LRRN2: variants seen among roughly 807,000 people sequenced by gnomAD.
LRRN2 encodes leucine-rich repeat neuronal protein 2.
Under a neutral mutation model 35.7 loss-of-function variants are expected in LRRN2, and 10 were observed. That is an observed-to-expected ratio of 0.28 (90% confidence interval 0.17 to 0.47). LRRN2 has a LOEUF of 0.47. LRRN2 is among the 20% of genes least tolerant of loss of function. LRRN2 has a pLI of 0.99. For synonymous variants in LRRN2, 391 were observed against 409.6 expected, an observed-to-expected ratio of 0.95 and a Z score of 0.55; for missense variants, 731 against 940.3, an observed-to-expected ratio of 0.78 and a Z score of 2.91.
rs1667688725 is a variant in LRRN2 at position 204,631,258 on chromosome 1, ATATATATATATATATATATAT to A, written c.-226-11061_-226-11041del. ...AGAAGAGTGATACCTAGAGTGTTCTATATATATATATATATATATATATATATATATATATATATATATATG... is the reference window on the plus strand; with the variant it reads ...AGAAGAGTGATACCTAGAGTGTTCTAATATATATATATATATATATATATG... On this transcript the variant is annotated intron_variant, in intron 1 of 1. Transcript: ENST00000367177. 7.4e-4 allele frequency among the ~76,000 whole-genome samples: 29 copies of A among 39,004 alleles called. 2 individuals are homozygous for A. The highest frequency in any genetic ancestry group is 5.5e-3 in the East Asian group (7 of 1,264). 25.6% of individuals were successfully genotyped at this position (39,004 alleles called of 152,430 possible).
At position 204,660,568 on chromosome 1, in the gene LRRN2, C is replaced by T. The variant is rs1387659794; in HGVS notation, c.-227+24752G>A. On this transcript the variant is annotated intron_variant, in intron 1 of 1. Transcript: ENST00000367177. ...CCTTACACAGACACACACACACACA[C>T]ACACACACACACTCTCTCTCTCTCT... 2.2e-5 allele frequency among the ~76,000 whole-genome samples: 3 copies of T among 138,436 alleles called. No individual in the cohort carries two copies. The East Asian group carries it at 5.9e-4, about 27-fold the overall frequency. The allele number at this position is 138,436 out of a possible 152,430, so 90.8% of individuals were successfully genotyped here.
Position 204,620,153 on chromosome 1 carries a change from C to T in LRRN2, c.-161G>A. ...GTCACTTCTTGCCCTCCTCAATATG[C>T]CTTCTCTTCCTTGTCCTCTGGGGCT... On this transcript the variant is annotated 5_prime_UTR_variant, in exon 2 of 2. Transcript: ENST00000367177. The T allele has an allele frequency of 1.4e-6, 2 of 1,454,356 alleles. No homozygotes were observed. The highest frequency in any genetic ancestry group is 1.5e-5 in the South Asian group (1 of 67,528). The allele number at this position is 1,454,356 out of a possible 1,614,324, so 90.1% of individuals were successfully genotyped here.
At chr1:204,672,312 C>T (rs548051639) in intron 1 of LRRN2, among the ~76,000 whole-genome samples, 1 of 152,282 alleles carries the variant, frequency 6.6e-6, no homozygotes, top group Admixed American at 6.5e-5. Flanking sequence ...TCCCCCTCCC[C>T]ATTGCTTAAG....
chr1:204,634,844 T>C (rs1667793657), intron 1 of LRRN2, among the ~76,000 whole-genome samples: 1 of 152,228 alleles, frequency 6.6e-6, no homozygotes, highest in Non-Finnish European at 1.5e-5. Flanking sequence ...TTACTAACTG[T>C]GCAAGCTTGG....
chr1:204,673,401 C>A (rs184201469), intron 1 of LRRN2, among the ~76,000 whole-genome samples: 1 of 152,238 alleles, frequency 6.6e-6, no homozygotes, highest in East Asian at 1.9e-4. Flanking sequence ...ATTTTCACAA[C>A]CCTGTGAACT....
intron 1 of LRRN2, among the ~76,000 whole-genome samples, chr1:204,637,649 T>TAC (rs1558410129): frequency 6.0e-5 from 6 of 100,704 alleles, no homozygotes; most frequent in South Asian, 3.5e-4. Flanking sequence ...ACGTGACGTG[T>TAC]GTGTGTGTGT....
intron 1 of LRRN2, among the ~76,000 whole-genome samples, chr1:204,658,248 G>A (rs1292643225): frequency 1.3e-5 from 2 of 152,056 alleles, no homozygotes; most frequent in East Asian, 3.9e-4. Context: ...AAAGTGTTGG[G>A]ATTACAGGCA....
At chr1:204,631,786 C>T (rs1667711186) in intron 1 of LRRN2, among the ~76,000 whole-genome samples, 1 of 152,066 alleles carries the variant, frequency 6.6e-6, no homozygotes, top group Non-Finnish European at 1.5e-5. Context: ...AAGATTCAAA[C>T]ATATGAAGTG....
chr1:204,667,937 C>T (rs1476547297), intron 1 of LRRN2, among the ~76,000 whole-genome samples: 1 of 152,162 alleles, frequency 6.6e-6, no homozygotes, highest in Non-Finnish European at 1.5e-5. Flanking sequence ...GTCTCAAGAG[C>T]TCGCACGTTA....
At chr1:204,664,563 T>C (rs1668537216) in intron 1 of LRRN2, 1 of 152,220 alleles carries the variant, frequency 6.6e-6, no homozygotes, top group South Asian at 2.1e-4. Context: ...CTCAGGAAAC[T>C]CACTCCTTTG....
At chr1:204,652,274 C>CTT (rs1668252234) in intron 1 of LRRN2, among the ~76,000 whole-genome samples, 1 of 137,330 alleles carries the variant, frequency 7.3e-6, no homozygotes, top group Non-Finnish European at 1.6e-5. Context: ...CCCCCCCGCC[C>CTT]CCCCGCCGCC....
chr1:204,678,440 A>G (rs547524003), intron 1 of LRRN2, among the ~76,000 whole-genome samples: 2 of 152,276 alleles, frequency 1.3e-5, no homozygotes, highest in African/African-American at 4.8e-5. Flanking sequence ...ATGGATGGCC[A>G]ACGACCAGTG....
intron 1 of LRRN2, among the ~76,000 whole-genome samples, chr1:204,637,391 C>A (rs1402017916): frequency 1.3e-4 from 20 of 152,196 alleles, no homozygotes; most frequent in Admixed American, 1.3e-3. Flanking sequence ...TTGTACAGTG[C>A]ACCAGGGGAG....
At chr1:204,625,485 G>A (rs1160880610) in intron 1 of LRRN2, among the ~76,000 whole-genome samples, 1 of 148,714 alleles carries the variant, frequency 6.7e-6, no homozygotes, top group Non-Finnish European at 1.5e-5. Flanking sequence ...TATAACATAT[G>A]TACGGGAGAA....
rs1666399523 is a variant in LRRN2 at position 204,617,248 on chromosome 1, A to T, written c.*603T>A. On this transcript the variant is annotated 3_prime_UTR_variant, in exon 2 of 2. Coordinates refer to ENST00000367177, the MANE Select transcript of LRRN2 (RefSeq NM_201630.2). ...TTTTACAAAACAGGAGAAAAGAGTG[A>T]ATCGGGTTGGGGGAGGTGACACATT... 6.6e-6 allele frequency: 1 copy of T among 152,644 alleles called. No individual in the cohort carries two copies. The allele number at this position is 152,644 out of a possible 1,614,324, so 9.5% of individuals were successfully genotyped here. A position where few individuals can be genotyped will look rare whatever the true frequency, so the allele number is the denominator to read the frequency against.
intron 1 of LRRN2, chr1:204,628,737 G>A (rs1667582190): frequency 6.6e-6 from 1 of 152,126 alleles, no homozygotes; most frequent in Admixed American, 6.5e-5. Context: ...TCCAACCGGG[G>A]TCCTAGTTCT....
rs1026064304 is a variant in LRRN2, at chr1:204,617,625, G to T, written c.*226C>A. ...AAAGTCCCTCCTGTTCCTTGGAGAT[G>T]TTCCTCAGAATGGCAGCAGAGGTGA... On this transcript the variant is annotated 3_prime_UTR_variant, in exon 2 of 2. Coordinates refer to ENST00000367177, the MANE Select transcript of LRRN2 (RefSeq NM_201630.2). The T allele has an allele frequency of 5.3e-6, 3 of 564,748 alleles. No homozygotes were observed. The highest frequency in any genetic ancestry group is 9.5e-6 in the Non-Finnish European group (3 of 316,978). The allele number at this position is 564,748 out of a possible 1,614,324, so 35.0% of individuals were successfully genotyped here. A position where few individuals can be genotyped will look rare whatever the true frequency, so the allele number is the denominator to read the frequency against.
intron 1 of LRRN2, among the ~76,000 whole-genome samples, chr1:204,639,346 A>G (rs1369967135): frequency 6.6e-6 from 1 of 152,210 alleles, no homozygotes; most frequent in Non-Finnish European, 1.5e-5. Flanking sequence ...CTAAAATGGG[A>G]GTAATAGCCG....
intron 1 of LRRN2, among the ~76,000 whole-genome samples, chr1:204,637,797 G>A (rs1035370810): frequency 2.6e-5 from 4 of 152,076 alleles, no homozygotes; most frequent in Admixed American, 2.0e-4. Context: ...TCACCCTGTG[G>A]GGGAGTGCCA....
Sources: gnomAD v4.1 joint callset for allele counts (sites outside exome capture counted in the v4.1 genomes callset) on GRCh38, gnomAD v4.1.1 for gene constraint, MANE v1.5 for transcripts, NCBI Gene and HGNC (gene_info 2026-07-23, HGNC 2026-07-21) for gene names.